IGF2BP3: variants seen among roughly 807,000 people sequenced by gnomAD.
IGF2BP3 encodes the protein insulin-like growth factor 2 mRNA-binding protein 3.
In IGF2BP3, 9 loss-of-function variants were observed where a neutral mutation model predicts 73.8. The ratio of observed to expected loss-of-function variants is 0.12; its 90% CI spans 0.07 to 0.21. The LOEUF (loss-of-function observed/expected upper bound fraction) is 0.21, where lower values mean the gene tolerates loss of function less well. IGF2BP3 is among the 10% of genes least tolerant of loss of function. IGF2BP3 has a pLI of 1.00. For synonymous variants in IGF2BP3, 258 were observed against 256.7 expected (o/e 1.01, Z -0.05); for missense variants, 542 against 714.0 (o/e 0.76, Z 2.75).
chr7:23,412,018 C>T (rs1175190402), intron 3 of IGF2BP3, among the ~76,000 whole-genome samples: 2 of 134,204 alleles, frequency 1.5e-5, no homozygotes, highest in African/African-American at 2.9e-5. Flanking sequence ...AGTAGAGTCT[C>T]GCCTGCCGCC....
At chr7:23,317,771 G>A in intron 11 of IGF2BP3, 58 bp from the exon 12 acceptor site, 12 of 1,359,462 alleles carry the variant, frequency 8.8e-6, no homozygotes, top group Non-Finnish European at 1.3e-5. Flanking sequence ...TAGGCATCTT[G>A]GGCCAACCAG....
At position 23,468,552 on chromosome 7, in the gene IGF2BP3, C is replaced by G; in HGVS notation, c.176-10G>C. ...TGCAGTTCTATTTTACCTGCGGACA[C>G]ACAAGAAGTGAGACGGTCGGCCGAG... On this transcript the variant is annotated splice_polypyrimidine_tract_variant and intron_variant, in intron 1 of 14. Transcript: ENST00000258729. 6.2e-7 allele frequency: 1 copy of G among 1,614,164 alleles called. No homozygotes were observed. The highest frequency in any genetic ancestry group is 8.5e-7 in the Non-Finnish European group (1 of 1,179,978).
intron 3 of IGF2BP3, among the ~76,000 whole-genome samples, chr7:23,379,624 TA>T (rs1312782550): frequency 6.6e-6 from 1 of 152,166 alleles, no homozygotes; most frequent in African/African-American, 2.4e-5. Flanking sequence ...ATCAATTCTA[TA>T]AAACAGTAAA....
At chr7:23,313,228 T>C (rs1409340873) in intron 13 of IGF2BP3, among the ~76,000 whole-genome samples, 2 of 152,262 alleles carry the variant, frequency 1.3e-5, no homozygotes, top group African/African-American at 2.4e-5. Context: ...ATTTTTAAAA[T>C]TCCTGTTAAG....
intron 10 of IGF2BP3, among the ~76,000 whole-genome samples, chr7:23,337,467 T>G (rs1030080502): frequency 1.3e-5 from 2 of 152,190 alleles, no homozygotes; most frequent in Admixed American, 6.5e-5. Flanking sequence ...TAACAGGCAA[T>G]AGTGCCAAAT....
intron 8 of IGF2BP3, among the ~76,000 whole-genome samples, chr7:23,344,443 T>C (rs1369805182): frequency 6.6e-6 from 1 of 152,220 alleles, no homozygotes; most frequent in Non-Finnish European, 1.5e-5. Context: ...CAATCCATCT[T>C]GACTAAAATT....
At chr7:23,401,986 G>T (rs775411314) in intron 3 of IGF2BP3, among the ~76,000 whole-genome samples, 5 of 151,018 alleles carry the variant, frequency 3.3e-5, no homozygotes, top group Non-Finnish European at 7.4e-5. Flanking sequence ...GCATGGTGGC[G>T]TGTCCCTGAA....
At chr7:23,426,894 G>A (rs1437717755) in intron 2 of IGF2BP3, among the ~76,000 whole-genome samples, 1 of 152,088 alleles carries the variant, frequency 6.6e-6, no homozygotes, top group African/African-American at 2.4e-5. Context: ...GTGTTTTTTA[G>A]CCAGAGTTAT....
chr7:23,373,475 T>A (rs994690399), intron 3 of IGF2BP3, among the ~76,000 whole-genome samples: 2 of 151,826 alleles, frequency 1.3e-5, no homozygotes, highest in African/African-American at 4.8e-5. Context: ...TTCACCTCCA[T>A]TAGAATGGCC....
intron 2 of IGF2BP3, among the ~76,000 whole-genome samples, chr7:23,445,106 C>T (rs1239869407): frequency 6.6e-6 from 1 of 152,018 alleles, no homozygotes; most frequent in Non-Finnish European, 1.5e-5. Flanking sequence ...GGTGCTAAGT[C>T]GTATTTTTTC....
intron 10 of IGF2BP3, among the ~76,000 whole-genome samples, chr7:23,327,238 G>A (rs1784324950): frequency 6.6e-6 from 1 of 150,988 alleles, no homozygotes; most frequent in Non-Finnish European, 1.5e-5. Flanking sequence ...CAGTACTGTA[G>A]TATGTATACA....
intron 5 of IGF2BP3, among the ~76,000 whole-genome samples, chr7:23,359,484 G>A (rs1315603138): frequency 6.6e-6 from 1 of 152,122 alleles, no homozygotes; most frequent in East Asian, 1.9e-4. Context: ...ATATCCTTGG[G>A]TTTATCACAT....
At chr7:23,320,459 C>T (rs1784106063) in intron 10 of IGF2BP3, among the ~76,000 whole-genome samples, 1 of 151,350 alleles carries the variant, frequency 6.6e-6, no homozygotes, top group African/African-American at 2.4e-5. Context: ...GTAATGCTAC[C>T]AGTCAACTAA....
intron 2 of IGF2BP3, among the ~76,000 whole-genome samples, chr7:23,435,353 A>G (rs1787784183): frequency 6.7e-6 from 1 of 150,054 alleles, no homozygotes; most frequent in Non-Finnish European, 1.5e-5. Flanking sequence ...TAGCCCTATC[A>G]TGTCTTCTGA....
intron 12 of IGF2BP3, among the ~76,000 whole-genome samples, chr7:23,316,693 A>G (rs1008921193): frequency 1.4e-4 from 21 of 151,340 alleles, no homozygotes; most frequent in East Asian, 3.9e-4. Flanking sequence ...AAAAAAAAAA[A>G]AGAGAAAAAA....
At chr7:23,433,008 T>C (rs1474427580) in intron 2 of IGF2BP3, among the ~76,000 whole-genome samples, 1 of 152,200 alleles carries the variant, frequency 6.6e-6, no homozygotes, top group East Asian at 1.9e-4. Flanking sequence ...ACAGTTACTA[T>C]TTAAATAAAA....
At chr7:23,360,428 C>G (rs1785197089) in intron 5 of IGF2BP3, among the ~76,000 whole-genome samples, 1 of 152,106 alleles carries the variant, frequency 6.6e-6, no homozygotes, top group Non-Finnish European at 1.5e-5. Context: ...AGGAGGAATA[C>G]ATACATGTAG....
intron 3 of IGF2BP3, among the ~76,000 whole-genome samples, chr7:23,389,129 T>TA (rs1206102884): frequency 6.6e-6 from 1 of 151,778 alleles, no homozygotes; most frequent in African/African-American, 2.4e-5. Context: ...TAAGTTGTTA[T>TA]AAATCAGAAC....
chr7:23,334,581 C>T (rs190607356), intron 10 of IGF2BP3, among the ~76,000 whole-genome samples: 270 of 152,312 alleles, frequency 1.8e-3, no homozygotes, highest in Non-Finnish European at 3.3e-3. Flanking sequence ...GTTGCATTGT[C>T]TGAACCTTTT....
Sources: allele counts gnomAD v4.1 joint callset (sites outside exome capture counted in the v4.1 genomes callset), GRCh38; gene constraint gnomAD v4.1.1; transcripts MANE v1.5; gene names NCBI Gene and HGNC (gene_info 2026-07-23, HGNC 2026-07-21).